Variants in CSRP1 observed in about 807,000 individuals in gnomAD.
CSRP1 encodes cysteine and glycine-rich protein 1.
A neutral mutation model predicts 25.4 loss-of-function variants in CSRP1; 16 were observed. The ratio of observed to expected loss-of-function variants is 0.63; its 90% CI spans 0.43 to 0.96. CSRP1 has a LOEUF of 0.96. CSRP1 is among the 40% of genes least tolerant of loss of function. CSRP1 has a pLI of 0.00. For missense variants in CSRP1, 212 were observed against 243.6 expected (o/e 0.87, Z 0.86); for synonymous variants, 97 against 95.3 (o/e 1.02, Z -0.10).
intron 2 of CSRP1, chr1:201,492,505 A>C (rs558038662): frequency 5.3e-5 from 8 of 152,172 alleles, no homozygotes; most frequent in Non-Finnish European, 1.0e-4. Flanking sequence ...GGCCTGAATA[A>C]ATTTCTACCA....
intron 1 of CSRP1, among the ~76,000 whole-genome samples, chr1:201,498,915 G>A (rs568412265): frequency 2.6e-5 from 4 of 152,194 alleles, no homozygotes; most frequent in Non-Finnish European, 4.4e-5. Flanking sequence ...GACCATGCCT[G>A]CTGCATAAGC....
chr1:201,487,727 G>C (rs543379910), intron 4 of CSRP1: 1 of 152,308 alleles, frequency 6.6e-6, no homozygotes, highest in South Asian at 2.1e-4. Flanking sequence ...CAAGGGCTTC[G>C]GAGTCAGACA....
intron 1 of CSRP1, among the ~76,000 whole-genome samples, chr1:201,505,357 A>G (rs78433503): frequency 0.068 from 10,400 of 152,304 alleles, 384 homozygotes; most frequent in Middle Eastern, 0.088. Context: ...GCAGATGCAC[A>G]TGTGTGCAAT....
chr1:201,503,698 C>A (rs2102417051), intron 1 of CSRP1, among the ~76,000 whole-genome samples: 1 of 152,272 alleles, frequency 6.6e-6, no homozygotes, highest in African/African-American at 2.4e-5. Flanking sequence ...TGGGTAGCTG[C>A]GTAGTACAGG....
chr1:201,485,567 C>T lies in CSRP1; in HGVS notation c.412-191G>A, dbSNP rs1211487737. The T allele has an allele frequency of 1.4e-5, 8 of 582,622 alleles. No homozygotes were observed. In the Admixed American group the frequency reaches 1.7e-4, roughly 13 times the overall value. The allele number at this position is 582,622 out of a possible 1,614,324, so 36.1% of individuals were successfully genotyped here. A position where few individuals can be genotyped will look rare whatever the true frequency, so the allele number is the denominator to read the frequency against. ...AGGGAGAAGGCCAGGGACCACACGC[C>T]ACCTCGCACCATCTTCCATGCTATG... On this transcript the variant is annotated intron_variant, in intron 4 of 5. Coordinates refer to ENST00000340006, the MANE Select transcript of CSRP1 (RefSeq NM_004078.3).
intron 2 of CSRP1, chr1:201,492,403 C>T (rs1664365089): frequency 1.3e-5 from 2 of 152,340 alleles, no homozygotes; most frequent in Admixed American, 1.3e-4. Flanking sequence ...GCCCCTCTAC[C>T]TCCATCCAGG....
chr1:201,506,516 A>AC (rs1240855237), intron 1 of CSRP1: 1 of 152,230 alleles, frequency 6.6e-6, no homozygotes, highest in Non-Finnish European at 1.5e-5. Context: ...AGGCCACAAA[A>AC]CACTGACTGC....
At position 201,498,837 on chromosome 1, in the gene CSRP1, C is replaced by T. The variant is rs1384789949; in HGVS notation, c.-1-2533G>A. The stretch of plus-strand genomic sequence containing the variant: ...GCTCCTAGTGGAGGTGCTTGGTAAG[C>T]GTGTGCAGGCTGAGAGGCAGAGCTT... On this transcript the variant is annotated intron_variant, in intron 1 of 5. Transcript: ENST00000340006. 2.6e-5 allele frequency among the ~76,000 whole-genome samples: 4 copies of T among 152,142 alleles called. No individual in the cohort carries two copies. The East Asian group carries it at 5.8e-4, about 22-fold the overall frequency.
intron 1 of CSRP1, among the ~76,000 whole-genome samples, chr1:201,502,242 T>C (rs914261719): frequency 6.6e-6 from 1 of 152,192 alleles, no homozygotes; most frequent in Non-Finnish European, 1.5e-5. Flanking sequence ...AGGGTTAAAG[T>C]CCCCATCCAC....
chr1:201,496,076 C>T (rs565213283), intron 2 of CSRP1, 116 bp downstream of exon 2: 12 of 757,042 alleles, frequency 1.6e-5, no homozygotes, highest in South Asian at 1.5e-4. Flanking sequence ...AGCCAAATGT[C>T]AAGCTGTTTA....
At position 201,506,257 on chromosome 1, in the gene CSRP1, G is replaced by T. The variant is rs114466624; in HGVS notation, c.-2+813C>A. Among the ~76,000 whole-genome samples the T allele has an allele frequency of 2.3e-3, 346 of 152,224 alleles. 3 individuals carry two copies. The highest frequency in any genetic ancestry group is 8.2e-3 in the African/African-American group (339 of 41,538). On this transcript the variant is annotated intron_variant, in intron 1 of 5. Transcript: ENST00000340006. ...AGCCTGCCCATTCATTCACTCTCAG[G>T]GAGCAGCTGGTGGGTGGCTGGAGCC...
chr1:201,486,323 G>A lies in CSRP1; in HGVS notation c.412-947C>T, dbSNP rs554666365. 4.1e-6 allele frequency: 4 copies of A among 984,744 alleles called. No homozygotes were observed. The African/African-American group carries it at 7.0e-5, about 17-fold the overall frequency. The allele number at this position is 984,744 out of a possible 1,614,324, so 61.0% of individuals were successfully genotyped here. ...CCATCAACAGCTGGGCAGGCTAAGA[G>A]GCTGATGTGTAGACAGCTCTGCTTA... is the stretch of plus-strand genomic sequence containing the variant. On this transcript the variant is annotated intron_variant, in intron 4 of 5. Transcript: ENST00000340006.
rs560220244 is a variant in CSRP1 at position 201,502,932 on chromosome 1, T to G, written c.-2+4138A>C. Among the ~76,000 whole-genome samples, 5 of 150,928 alleles carry G rather than the reference T, an allele frequency of 3.3e-5. No homozygotes were observed. The South Asian group carries it at 1.1e-3, about 32-fold the overall frequency. On this transcript the variant is annotated intron_variant, in intron 1 of 5. Transcript: ENST00000340006. ...GGTGGATCATTTAAGGTCAGGAGTT[T>G]GAGACCAGCCTGGCCAACAGCGTGA...
At chr1:201,498,474 G>A (rs1664575436) in intron 1 of CSRP1, among the ~76,000 whole-genome samples, 1 of 152,236 alleles carries the variant, frequency 6.6e-6, no homozygotes, top group Non-Finnish European at 1.5e-5. Flanking sequence ...CACGGAACCT[G>A]TCACATGGAA....
chr1:201,489,275 T>G, intron 3 of CSRP1: 1 of 252,562 alleles, frequency 4.0e-6, no homozygotes, highest in Non-Finnish European at 7.8e-6. Context: ...CTGCCCCTCA[T>G]TCCTGCAGCT....
rs752756 is a variant in CSRP1, at chr1:201,489,015, C to T, written c.282-31G>A. On this transcript the variant is annotated intron_variant, in intron 3 of 5. Transcript: ENST00000340006. ...TGGAGAAGGGCATGGGGTGAGGTGA[C>T]TTACACTGTAAGTACAGGTGGGGCT... The T allele has an allele frequency of 2.6e-3, 4,136 of 1,612,124 alleles. 55 individuals carry two copies. In the African/African-American group the frequency reaches 0.035, roughly 14 times the overall value.
At chr1:201,488,635 T>C in intron 4 of CSRP1, 1 of 440,790 alleles carries the variant, frequency 2.3e-6, no homozygotes, top group South Asian at 2.8e-5. Context: ...AATTGCCCAT[T>C]GTCCATCAAT....
Position 201,484,495 on chromosome 1 carries a change from T to C in CSRP1, c.*218A>G. ...GACCCAAAACACTGAGGTCTCCTACTGGTGATGGTGTCAGATCCCAGGCCT... is the reference window on the plus strand; with the variant it reads ...GACCCAAAACACTGAGGTCTCCTACCGGTGATGGTGTCAGATCCCAGGCCT... On this transcript the variant is annotated 3_prime_UTR_variant, in exon 6 of 6. Coordinates refer to ENST00000340006, the MANE Select transcript of CSRP1 (RefSeq NM_004078.3). The C allele has an allele frequency of 3.4e-6, 2 of 586,262 alleles. No individual in the cohort carries two copies. The highest frequency in any genetic ancestry group is 2.1e-5 in the South Asian group (1 of 46,770). The allele number at this position is 586,262 out of a possible 1,614,324, so 36.3% of individuals were successfully genotyped here.
At chr1:201,489,903 G>A (rs1302875498) in intron 3 of CSRP1, 1 of 355,168 alleles carries the variant, frequency 2.8e-6, no homozygotes, top group African/African-American at 2.1e-5. Context: ...ATTGGACTAA[G>A]TGATTCTTGG....
Sources: allele counts gnomAD v4.1 joint callset (sites outside exome capture counted in the v4.1 genomes callset), GRCh38; gene constraint gnomAD v4.1.1; transcripts MANE v1.5; gene names NCBI Gene and HGNC (gene_info 2026-07-23, HGNC 2026-07-21).